MAP3K7: variants seen among roughly 807,000 people sequenced by gnomAD.
MAP3K7 encodes TGF-beta activated kinase 1.
MAP3K7 carries 21 observed loss-of-function variants against 84.8 expected under a neutral mutation model. The observed-to-expected ratio is 0.25, with a 90% confidence interval of 0.18 to 0.36. The LOEUF is 0.36. Among genes scored for constraint, MAP3K7 ranks in the 10% least tolerant of loss-of-function variants. MAP3K7 has a pLI of 1.00. For synonymous variants in MAP3K7, 241 were observed against 247.7 expected, an observed-to-expected ratio of 0.97 and a Z score of 0.25; for missense variants, 503 against 747.7, an observed-to-expected ratio of 0.67 and a Z score of 3.82.
intron 1 of MAP3K7, among the ~76,000 whole-genome samples, chr6:90,572,047 T>G (rs1017580476): frequency 6.6e-6 from 1 of 151,932 alleles, no homozygotes; most frequent in Non-Finnish European, 1.5e-5. Context: ...CTGTACACCC[T>G]TTCATTCTCA....
intron 10 of MAP3K7, 104 bp from the exon 11 acceptor site, chr6:90,547,491 T>C (rs1776041914): frequency 1.6e-6 from 2 of 1,270,560 alleles, no homozygotes; most frequent in African/African-American, 1.5e-5. Context: ...TGATAGATCC[T>C]GTTCTGCTCT....
chr6:90,547,185 T>C, intron 11 of MAP3K7, 73 bp downstream of exon 11: 1 of 1,549,510 alleles, frequency 6.5e-7, no homozygotes, highest in East Asian at 2.3e-5. Flanking sequence ...AAAAAACCTT[T>C]GACAACTGAA....
At chr6:90,567,340 C>T (rs1335996217) in intron 3 of MAP3K7, among the ~76,000 whole-genome samples, 1 of 152,154 alleles carries the variant, frequency 6.6e-6, no homozygotes, top group Non-Finnish European at 1.5e-5. Flanking sequence ...TATCCAGAAT[C>T]TACAAAGAAC....
intron 4 of MAP3K7, 70 bp from the exon 5 acceptor site, chr6:90,560,284 C>T (rs1348022059): frequency 6.6e-7 from 1 of 1,515,978 alleles, no homozygotes; most frequent in Non-Finnish European, 9.1e-7. Flanking sequence ...TGAATGCAAG[C>T]ACTATCAGAA....
At position 90,548,039 on chromosome 6, in the gene MAP3K7, TAACAA is replaced by T; in HGVS notation, c.1080+3_1080+7del. On this transcript the variant is annotated splice_donor_5th_base_variant and intron_variant, in intron 10 of 16. Coordinates refer to ENST00000369329, the MANE Select transcript of MAP3K7 (RefSeq NM_145331.3). ...GTTACCAGTTTTACTTGTAATAACA[TAACAA>T]ACCTGTTGCTTTGCCTGATTTTTCA... The T allele has an allele frequency of 6.2e-7, 1 of 1,609,124 alleles. No homozygotes were observed. The highest frequency in any genetic ancestry group is 8.5e-7 in the Non-Finnish European group (1 of 1,177,970).
intron 14 of MAP3K7, among the ~76,000 whole-genome samples, chr6:90,519,839 C>T (rs1775090518): frequency 6.6e-6 from 1 of 151,912 alleles, no homozygotes; most frequent in Non-Finnish European, 1.5e-5. Flanking sequence ...ACTCATCCTG[C>T]CCTTCCCAGT....
chr6:90,560,309 T>C, intron 4 of MAP3K7, 95 bp from the exon 5 acceptor site: 3 of 1,251,700 alleles, frequency 2.4e-6, no homozygotes. Flanking sequence ...TGACTGGGTA[T>C]TTTTCTACAT....
At chr6:90,557,997 AG>A (rs1264047210) in intron 5 of MAP3K7, among the ~76,000 whole-genome samples, 7 of 152,218 alleles carry the variant, frequency 4.6e-5, no homozygotes, top group African/African-American at 1.7e-4. Flanking sequence ...TCCTGACCAC[AG>A]AATCTGTAGG....
At chr6:90,567,311 G>T (rs969575375) in intron 3 of MAP3K7, among the ~76,000 whole-genome samples, 6 of 152,096 alleles carry the variant, frequency 3.9e-5, no homozygotes, top group South Asian at 4.1e-4. Context: ...TGCAATCTAC[G>T]CATCTGACAA....
At chr6:90,522,105 A>T (rs1775170178) in intron 14 of MAP3K7, among the ~76,000 whole-genome samples, 1 of 152,176 alleles carries the variant, frequency 6.6e-6, no homozygotes, top group Non-Finnish European at 1.5e-5. Flanking sequence ...AAATGTATTC[A>T]AAATTATAGC....
intron 13 of MAP3K7, among the ~76,000 whole-genome samples, chr6:90,528,773 T>C (rs986573338): frequency 2.6e-5 from 4 of 152,224 alleles, no homozygotes; most frequent in Non-Finnish European, 5.9e-5. Context: ...ATTATACTTT[T>C]AGTGAAAGGT....
At chr6:90,525,625 T>C (rs1246143185) in intron 13 of MAP3K7, among the ~76,000 whole-genome samples, 1 of 152,066 alleles carries the variant, frequency 6.6e-6, no homozygotes, top group East Asian at 1.9e-4. Flanking sequence ...TGGAGTGCAG[T>C]GGTACCATCA....
intron 5 of MAP3K7, 131 bp downstream of exon 5, chr6:90,559,945 C>G: frequency 1.1e-6 from 1 of 944,904 alleles, no homozygotes; most frequent in Non-Finnish European, 1.6e-6. Context: ...AAAGTAAACA[C>G]TGAGTAAGCC....
Position 90,516,213 on chromosome 6 carries a change from C to T in MAP3K7, c.*288G>A. On this transcript the variant is annotated 3_prime_UTR_variant, in exon 17 of 17. Transcript: ENST00000369329. ...TCCTGTTCTGTTAGGCTAGCCTTCA[C>T]ACAATGAGCATGCATATACAGCCAC... 1 of 428,590 alleles carries T rather than the reference C, an allele frequency of 2.3e-6. No homozygotes were observed. Among genetic ancestry groups the T allele is most frequent in the South Asian group, 2.8e-5 (1 of 35,914 alleles). The allele number at this position is 428,590 out of a possible 1,614,324, so 26.5% of individuals were successfully genotyped here. A position where few individuals can be genotyped will look rare whatever the true frequency, so the allele number is the denominator to read the frequency against.
chr6:90,586,098 C>T (rs1445203665), intron 1 of MAP3K7, among the ~76,000 whole-genome samples: 2 of 152,042 alleles, frequency 1.3e-5, no homozygotes, highest in Admixed American at 6.5e-5. Flanking sequence ...TCCGGCCGGG[C>T]CCGGTGGCTC....
intron 13 of MAP3K7, among the ~76,000 whole-genome samples, chr6:90,535,059 G>C (rs930422237): frequency 6.6e-6 from 1 of 151,946 alleles, no homozygotes; most frequent in Non-Finnish European, 1.5e-5. Flanking sequence ...AAGATTTAGA[G>C]TCACTAGTAT....
chr6:90,530,480 C>T (rs1398597539), intron 13 of MAP3K7, among the ~76,000 whole-genome samples: 1 of 152,138 alleles, frequency 6.6e-6, no homozygotes, highest in Admixed American at 6.5e-5. Context: ...TTCCAAGAAA[C>T]TCTTAGCACC....
intron 3 of MAP3K7, 71 bp downstream of exon 3, chr6:90,568,487 C>T (rs1776791132): frequency 6.3e-6 from 8 of 1,270,432 alleles, no homozygotes; most frequent in Non-Finnish European, 8.7e-6. Flanking sequence ...CCAAAAATAG[C>T]TACATAAACT....
chr6:90,553,695 T>C (rs1024290737), intron 6 of MAP3K7, 109 bp from the exon 7 acceptor site: 2 of 856,242 alleles, frequency 2.3e-6, no homozygotes, highest in Non-Finnish European at 3.6e-6. Context: ...AATGAGGCTG[T>C]CACATGTAGA....
Sources: gnomAD v4.1 joint callset for allele counts (sites outside exome capture counted in the v4.1 genomes callset) on GRCh38, gnomAD v4.1.1 for gene constraint, MANE v1.5 for transcripts, NCBI Gene and HGNC (gene_info 2026-07-23, HGNC 2026-07-21) for gene names.